AUTS2: variants seen among roughly 807,000 people sequenced by gnomAD.
AUTS2 encodes the protein activator of transcription and developmental regulator AUTS2.
Under a neutral mutation model 112.4 loss-of-function variants are expected in AUTS2, and 17 were observed. That is an observed-to-expected ratio of 0.15 (90% CI 0.10 to 0.23). The LOEUF is 0.23. Among genes scored for constraint, AUTS2 ranks in the 10% least tolerant of loss-of-function variants. The probability of loss-of-function intolerance (pLI) is 1.00; values close to 1 mark genes in which losing one functional copy is unlikely to be tolerated. For missense variants in AUTS2, 1,510 were observed against 1,701.6 expected, an observed-to-expected ratio of 0.89 and a Z score of 1.98; for synonymous variants, 751 against 702.7, an observed-to-expected ratio of 1.07 and a Z score of -1.09.
chr7:70,644,253 C>T (rs751922514), intron 5 of AUTS2, among the ~76,000 whole-genome samples: 53 of 152,116 alleles, frequency 3.5e-4, no homozygotes, highest in Non-Finnish European at 6.5e-4. Context: ...TACATGCTAA[C>T]AATGGTTAGC....
chr7:70,359,881 A>G (rs1408250511), intron 4 of AUTS2, among the ~76,000 whole-genome samples: 4 of 152,186 alleles, frequency 2.6e-5, no homozygotes, highest in Admixed American at 6.5e-5. Flanking sequence ...AAATTTTAAC[A>G]ATGAGAATTC....
In AUTS2 at chr7:70,255,074, CT is replaced by C. The variant is rs3078929; in HGVS notation, c.660+120522del. On this transcript the variant is annotated intron_variant, in intron 4 of 18. Transcript: ENST00000342771. The stretch of plus-strand genomic sequence containing the variant: ...GGGTTGTTCTGGACCTCAAAATTAC[CT>C]TTTTTTTTTTTTTTTTTTGACGGAG... Among the ~76,000 whole-genome samples, 882 of 129,608 alleles carry C rather than the reference CT, an allele frequency of 6.8e-3. 6 individuals are homozygous for C. Among genetic ancestry groups the C allele is most frequent in the East Asian group, 0.022 (98 of 4,380 alleles). The allele number at this position is 129,608 out of a possible 152,430, so 85.0% of individuals were successfully genotyped here.
intron 4 of AUTS2, among the ~76,000 whole-genome samples, chr7:70,213,086 ACT>A (rs1480427863): frequency 5.3e-5 from 8 of 152,268 alleles, no homozygotes; most frequent in African/African-American, 1.9e-4. Flanking sequence ...CATTCTAATT[ACT>A]CTGATTTGAT....
At chr7:69,974,071 A>T (rs1797962657) in intron 2 of AUTS2, among the ~76,000 whole-genome samples, 1 of 151,766 alleles carries the variant, frequency 6.6e-6, no homozygotes, top group Non-Finnish European at 1.5e-5. Flanking sequence ...TCTTTTTTAG[A>T]TATTGTTAAT....
chr7:70,320,787 G>A (rs966659371), intron 4 of AUTS2, among the ~76,000 whole-genome samples: 2 of 152,210 alleles, frequency 1.3e-5, no homozygotes, highest in Admixed American at 6.5e-5. Flanking sequence ...AGAGGTGGAA[G>A]GGCAGTTTTG....
At position 70,178,273 on chromosome 7, in the gene AUTS2, T is replaced by C. The variant is rs527403865; in HGVS notation, c.660+43702T>C. On this transcript the variant is annotated intron_variant, in intron 4 of 18. Coordinates refer to ENST00000342771, the MANE Select transcript of AUTS2 (RefSeq NM_015570.4). ...GAGAATATTTTAAGAGAAATATGAA[T>C]GGCAGTACCACTTGGATACCAATTA... is the stretch of plus-strand genomic sequence containing the variant. 5.9e-5 allele frequency among the ~76,000 whole-genome samples: 9 copies of C among 152,248 alleles called. No individual in the cohort carries two copies. In the South Asian group the frequency reaches 1.2e-3, roughly 21 times the overall value.
intron 4 of AUTS2, among the ~76,000 whole-genome samples, chr7:70,355,661 GT>G (rs1015023920): frequency 6.6e-6 from 1 of 152,186 alleles, no homozygotes; most frequent in Non-Finnish European, 1.5e-5. Context: ...TGAGAGCAGA[GT>G]GTATAATGGT....
intron 2 of AUTS2, among the ~76,000 whole-genome samples, chr7:70,044,972 A>G (rs944247614): frequency 2.7e-5 from 4 of 149,706 alleles, no homozygotes; most frequent in Non-Finnish European, 5.9e-5. Context: ...TTCGAACCTT[A>G]TGTTTGGCCC....
intron 5 of AUTS2, among the ~76,000 whole-genome samples, chr7:70,613,709 A>G (rs1269792568): frequency 2.0e-5 from 3 of 152,174 alleles, no homozygotes; most frequent in Non-Finnish European, 2.9e-5. Flanking sequence ...TGGTGAGAGG[A>G]GGCCCCTAAA....
intron 2 of AUTS2, among the ~76,000 whole-genome samples, chr7:70,032,210 A>C (rs1015098730): frequency 1.3e-5 from 2 of 152,186 alleles, no homozygotes; most frequent in African/African-American, 4.8e-5. Context: ...AGGTGCCCCA[A>C]TGTACTATAA....
In AUTS2 at chr7:70,789,757, C is replaced by T. The variant is rs754540807; in HGVS notation, c.2541C>T (p.Val847=). 12 of 1,611,660 alleles carry T rather than the reference C, an allele frequency of 7.4e-6. 1 individual carries two copies. In the African/African-American group the frequency reaches 1.6e-4, roughly 22 times the overall value. ...VSKDDKERES[V]EKRHSSHPSP... The stretch of plus-strand genomic sequence containing the variant: ...CCCCTCTCTCCCCCAGGGAAAGCGT[C>T]GAGAAGAGACACTCCAGCCACCCTT... Residue 847 remains valine, a synonymous_variant, in exon 19 of 19, where the codon GTC becomes GTT. Transcript: ENST00000342771.
chr7:69,912,985 AAGCCTCTTAGT>A (rs545191221), intron 2 of AUTS2, among the ~76,000 whole-genome samples: 137 of 152,290 alleles, frequency 9.0e-4, no homozygotes, highest in African/African-American at 3.2e-3. Flanking sequence ...AATAAGATTG[AAGCCTCTTAGT>A]ATAGGACATT....
intron 5 of AUTS2, among the ~76,000 whole-genome samples, chr7:70,588,683 T>C (rs1384745966): frequency 6.6e-6 from 1 of 152,192 alleles, no homozygotes; most frequent in Non-Finnish European, 1.5e-5. Flanking sequence ...TTTTTTTTTA[T>C]GGGACTTGTA....
At chr7:70,567,405 A>G (rs892180257) in intron 5 of AUTS2, among the ~76,000 whole-genome samples, 1 of 152,218 alleles carries the variant, frequency 6.6e-6, no homozygotes, top group African/African-American at 2.4e-5. Context: ...GAGAGTGCCC[A>G]GACCTGGGTC....
At chr7:70,290,629 T>C (rs1193024922) in intron 4 of AUTS2, 2 of 1,413,792 alleles carry the variant, frequency 1.4e-6, no homozygotes, top group Non-Finnish European at 1.8e-6. Flanking sequence ...TCATTTGCAG[T>C]GTGTTTTAGT....
At chr7:70,216,090 A>G (rs1189997999) in intron 4 of AUTS2, among the ~76,000 whole-genome samples, 2 of 152,230 alleles carry the variant, frequency 1.3e-5, no homozygotes, top group South Asian at 2.1e-4. Flanking sequence ...GCAGTGTTGT[A>G]TACTGTGAAG....
chr7:70,497,740 G>A (rs187648192), intron 5 of AUTS2, among the ~76,000 whole-genome samples: 4 of 152,156 alleles, frequency 2.6e-5, no homozygotes, highest in African/African-American at 7.2e-5. Flanking sequence ...CTCGGTTTTC[G>A]CTGAGGTCCT....
At chr7:70,564,055 A>C (rs1801601975) in intron 5 of AUTS2, among the ~76,000 whole-genome samples, 1 of 152,226 alleles carries the variant, frequency 6.6e-6, no homozygotes, top group Admixed American at 6.5e-5. Context: ...TAAAAAAGTA[A>C]AATCACTAGG....
chr7:70,501,932 G>T (rs961023830), intron 5 of AUTS2, among the ~76,000 whole-genome samples: 2 of 152,110 alleles, frequency 1.3e-5, no homozygotes, highest in Non-Finnish European at 2.9e-5. Context: ...GGCCTGAGGA[G>T]CCCTTCACTT....
Sources: gnomAD v4.1 joint callset for allele counts (sites outside exome capture counted in the v4.1 genomes callset) on GRCh38, gnomAD v4.1.1 for gene constraint, MANE v1.5 for transcripts, NCBI Gene and HGNC (gene_info 2026-07-23, HGNC 2026-07-21) for gene names.